Variants in BANP observed in about 807,000 individuals in gnomAD.
BANP encodes the protein protein BANP.
In BANP, 11 loss-of-function variants were observed where a neutral mutation model predicts 68.1. The observed-to-expected ratio is 0.16, with a 90% CI of 0.10 to 0.27. BANP has a LOEUF of 0.27. Among genes scored for constraint, BANP ranks in the 10% least tolerant of loss-of-function variants. The pLI is 1.00. For missense variants in BANP, 504 were observed against 722.7 expected (o/e 0.70, Z 3.47); for synonymous variants, 329 against 303.2 (o/e 1.09, Z -0.88).
At chr16:88,073,928 A>G (rs1277713469) in intron 13 of BANP, among the ~76,000 whole-genome samples, 1 of 152,238 alleles carries the variant, frequency 6.6e-6, no homozygotes, top group Non-Finnish European at 1.5e-5. Context: ...GATCCATCGT[A>G]ACAGCCAAGG....
chr16:88,036,407 C>A lies in BANP; in HGVS notation c.1272+1013C>A, dbSNP rs921952814. Among the ~76,000 whole-genome samples, 10 of 152,224 alleles carry A rather than the reference C, an allele frequency of 6.6e-5. No individual in the cohort carries two copies. The highest frequency in any genetic ancestry group is 2.4e-4 in the African/African-American group (10 of 41,524). On this transcript the variant is annotated intron_variant, in intron 10 of 13. Transcript: ENST00000682872. The surrounding 1 kb of genome is among the most constrained non-coding windows in gnomAD (Gnocchi z 4.2). ...GCTGGGTGCAGGTGCTGTGGGGGAG[C>A]AGAGGAGAGAGAAGCCCTGCCATCG...
intron 9 of BANP, 25 bp downstream of exon 9, chr16:88,033,270 C>G: frequency 1.3e-6 from 2 of 1,530,284 alleles, no homozygotes; most frequent in Non-Finnish European, 1.8e-6. Context: ...CACCTCACAC[C>G]TTGGGAAAGG....
At chr16:88,061,294 T>C (rs763611943) in intron 11 of BANP, among the ~76,000 whole-genome samples, 104 of 152,376 alleles carry the variant, frequency 6.8e-4, no homozygotes, top group South Asian at 2.1e-3. Flanking sequence ...CCTGTTAGCT[T>C]TGAAACTTAG....
chr16:87,971,817 G>C (rs548047841), intron 1 of BANP, among the ~76,000 whole-genome samples: 1 of 152,106 alleles, frequency 6.6e-6, no homozygotes, highest in Non-Finnish European at 1.5e-5. Flanking sequence ...TTTCGAGACA[G>C]GGTCTCGTTC....
intron 13 of BANP, among the ~76,000 whole-genome samples, chr16:88,075,046 C>T (rs907054811): frequency 3.9e-5 from 6 of 152,080 alleles, no homozygotes; most frequent in Middle Eastern, 3.4e-3. Flanking sequence ...CTCTACAAAA[C>T]GTAAAAAAAT....
intron 11 of BANP, among the ~76,000 whole-genome samples, chr16:88,049,134 T>C (rs939767136): frequency 6.6e-6 from 1 of 151,984 alleles, no homozygotes; most frequent in Non-Finnish European, 1.5e-5. Context: ...CAGCGTCGGA[T>C]CCCATGGGTT....
chr16:87,974,078 G>T (rs1000367930), intron 1 of BANP, among the ~76,000 whole-genome samples: 7 of 152,340 alleles, frequency 4.6e-5, no homozygotes, highest in African/African-American at 1.4e-4. Flanking sequence ...CTGTCCTCAG[G>T]AAGTGTGTAG....
intron 1 of BANP, 141 bp downstream of exon 1, chr16:87,951,656 G>T (rs1182055281): frequency 6.8e-6 from 1 of 147,416 alleles, no homozygotes; most frequent in Non-Finnish European, 1.5e-5. Context: ...CAACCGCCCG[G>T]GCCGGGCGAT....
At chr16:88,026,295 G>A (rs2076976041) in intron 7 of BANP, among the ~76,000 whole-genome samples, 1 of 152,228 alleles carries the variant, frequency 6.6e-6, no homozygotes, top group African/African-American at 2.4e-5. Flanking sequence ...TGAGGACACA[G>A]GCCCTGCCCG....
intron 11 of BANP, among the ~76,000 whole-genome samples, chr16:88,058,634 G>A (rs1398493199): frequency 6.6e-6 from 1 of 152,102 alleles, no homozygotes; most frequent in Non-Finnish European, 1.5e-5. Flanking sequence ...TTTCTCTAAG[G>A]AGTCGCAGCC....
intron 11 of BANP, among the ~76,000 whole-genome samples, chr16:88,054,387 T>C (rs1294471820): frequency 3.1e-5 from 4 of 128,372 alleles, no homozygotes; most frequent in African/African-American, 8.7e-5. Flanking sequence ...CCACCTCTAC[T>C]ATCTCCATCA....
At position 88,003,069 on chromosome 16, in the gene BANP, A is replaced by G. The variant is rs1245359949; in HGVS notation, c.363-1226A>G. Among the ~76,000 whole-genome samples the G allele has an allele frequency of 6.6e-6, 1 of 152,210 alleles. No individual in the cohort carries two copies. Among genetic ancestry groups the G allele is most frequent in the Non-Finnish European group, 1.5e-5 (1 of 68,032 alleles). ...CCAGTTCTACATCTCTGAGGAGCAT[A>G]GGACTGTCACAGCCTGTAGGTGACT... On this transcript the variant is annotated intron_variant, in intron 4 of 13. Coordinates refer to ENST00000682872, the MANE Select transcript of BANP (RefSeq NM_001386991.1). This position sits in a 1 kb window ranked among gnomAD's most constrained non-coding sequence, Gnocchi z 6.1.
At chr16:87,969,567 CT>C (rs1391931676) in intron 1 of BANP, among the ~76,000 whole-genome samples, 32 of 151,698 alleles carry the variant, frequency 2.1e-4, no homozygotes, top group African/African-American at 7.3e-4. Context: ...GAGTCTCCCC[CT>C]GTCACCCAGT....
intron 6 of BANP, among the ~76,000 whole-genome samples, chr16:88,013,859 G>T (rs900950262): frequency 3.9e-5 from 6 of 152,204 alleles, no homozygotes; most frequent in African/African-American, 1.4e-4. Flanking sequence ...AGTACTTAGA[G>T]GAGTGAGGTG....
chr16:88,055,358 C>T (rs2084746541), intron 11 of BANP, among the ~76,000 whole-genome samples: 1 of 151,946 alleles, frequency 6.6e-6, no homozygotes, highest in Non-Finnish European at 1.5e-5. Context: ...TAAAGTTAAG[C>T]AAAGCAGTGA....
intron 1 of BANP, among the ~76,000 whole-genome samples, chr16:87,970,481 A>G (rs1969030574): frequency 6.6e-6 from 1 of 152,236 alleles, no homozygotes; most frequent in African/African-American, 2.4e-5. Flanking sequence ...ACAGAGAAAC[A>G]TTCTATTGCT....
chr16:87,971,216 C>G lies in BANP; in HGVS notation c.-68-3832C>G, dbSNP rs542202506. ...TTTTATATGTACTCCCAATTCCTCCCAGTTTCAAGCAGTTACATTGTGTCT... is the reference window on the plus strand; with the variant it reads ...TTTTATATGTACTCCCAATTCCTCCGAGTTTCAAGCAGTTACATTGTGTCT... On this transcript the variant is annotated intron_variant, in intron 1 of 13. Transcript: ENST00000682872. Among the ~76,000 whole-genome samples, 10 of 152,236 alleles carry G rather than the reference C, an allele frequency of 6.6e-5. No homozygotes were observed. The East Asian group carries it at 1.4e-3, about 21-fold the overall frequency.
intron 13 of BANP, among the ~76,000 whole-genome samples, chr16:88,073,399 C>T: frequency 6.6e-6 from 1 of 152,014 alleles, no homozygotes; most frequent in South Asian, 2.1e-4. Flanking sequence ...CCTGCAGAGG[C>T]ACGCCCTGTA....
At chr16:88,046,139 G>A (rs2081977143) in intron 11 of BANP, among the ~76,000 whole-genome samples, 1 of 152,264 alleles carries the variant, frequency 6.6e-6, no homozygotes, top group Non-Finnish European at 1.5e-5. Flanking sequence ...CATACGAGGA[G>A]TAACTCATTT....
Sources: allele counts gnomAD v4.1 joint callset (sites outside exome capture counted in the v4.1 genomes callset), GRCh38; gene constraint gnomAD v4.1.1; non-coding constraint Gnocchi (gnomAD v3.1); transcripts MANE v1.5; gene names NCBI Gene and HGNC (gene_info 2026-07-23, HGNC 2026-07-21).